NIBAN2: variants seen among roughly 807,000 people sequenced by gnomAD.
The protein encoded by NIBAN2 is protein Niban 2.
In NIBAN2, 36 loss-of-function variants were observed where a neutral mutation model predicts 81.8. That is an observed-to-expected ratio of 0.44 (90% confidence interval 0.34 to 0.58). The LOEUF is 0.58. Among genes scored for constraint, NIBAN2 ranks in the 20% least tolerant of loss-of-function variants. The pLI is 0.02. For synonymous variants in NIBAN2, 445 were observed against 441.6 expected (o/e 1.01, Z -0.10); for missense variants, 897 against 1,014.1 (o/e 0.88, Z 1.57).
rs1189534485 is a variant in NIBAN2, at chr9:127,506,911, G to A, written c.2175C>T (p.Ser725=). 5 of 1,612,402 alleles carry A rather than the reference G, an allele frequency of 3.1e-6. No homozygotes were observed. The highest frequency in any genetic ancestry group is 4.2e-6 in the Non-Finnish European group (5 of 1,179,548). The change falls in exon 14 of 14, where the codon AGC becomes AGT. Residue 725 remains serine (S), a synonymous_variant. Transcript: ENST00000373312. ...TGTGGAGGGCGGGGTGGCTGCTGGG[G>A]CTGGACACCTGCTCTCCAGTCTCCT... is the stretch of plus-strand genomic sequence containing the variant. ...SDQETGEQVS[S]PSSHPALHTT...
intron 1 of NIBAN2, among the ~76,000 whole-genome samples, chr9:127,546,793 G>A (rs1837479481): frequency 6.6e-6 from 1 of 152,068 alleles, no homozygotes; most frequent in African/African-American, 2.4e-5. Flanking sequence ...GTACTCAGGA[G>A]AGAGTACCCT....
Position 127,508,068 on chromosome 9 carries a change from G to A in NIBAN2, c.1542+25C>T, listed in dbSNP as rs2132149173. The A allele has an allele frequency of 6.2e-7, 1 of 1,611,838 alleles. No individual in the cohort carries two copies. Among genetic ancestry groups the A allele is most frequent in the Non-Finnish European group, 8.5e-7 (1 of 1,178,148 alleles). ...CATCCCCCAACTTAGGGCCCAAACGGCTGGAGCAGGTGGGGGCTGCTCACC... is the reference window on the plus strand; with the variant it reads ...CATCCCCCAACTTAGGGCCCAAACGACTGGAGCAGGTGGGGGCTGCTCACC... On this transcript the variant is annotated intron_variant, in intron 12 of 13. Transcript: ENST00000373312. This position sits in a 1 kb window ranked among gnomAD's most constrained non-coding sequence, Gnocchi z 6.4.
At chr9:127,553,773 G>A (rs972055392) in intron 1 of NIBAN2, among the ~76,000 whole-genome samples, 5 of 152,224 alleles carry the variant, frequency 3.3e-5, no homozygotes, top group Non-Finnish European at 7.3e-5. Context: ...CTGGAGAGCC[G>A]TAGCATGATC....
In NIBAN2 at chr9:127,540,448, C is replaced by T. The variant is rs1405862377; in HGVS notation, c.56-8670G>A. On this transcript the variant is annotated intron_variant, in intron 1 of 13. Transcript: ENST00000373312. ...CGAATGCCAAGCTAAGGAGTTCCTT[C>T]TTTGCCTTGTCATGACGCTCCCCAA... is the stretch of plus-strand genomic sequence containing the variant. Among the ~76,000 whole-genome samples the T allele has an allele frequency of 2.0e-5, 3 of 152,352 alleles. No individual in the cohort carries two copies. The East Asian group carries it at 5.8e-4, about 29-fold the overall frequency.
chr9:127,575,838 A>G (rs1016026927), intron 1 of NIBAN2, among the ~76,000 whole-genome samples: 2 of 152,060 alleles, frequency 1.3e-5, no homozygotes, highest in Admixed American at 6.6e-5. Context: ...TGTGTGAAAC[A>G]TGGATTTTTT....
At chr9:127,532,628 G>A (rs1351553468) in intron 1 of NIBAN2, among the ~76,000 whole-genome samples, 1 of 151,860 alleles carries the variant, frequency 6.6e-6, no homozygotes. Context: ...TAAAAAAATG[G>A]AGGGACCTAT....
chr9:127,528,945 T>C (rs938448732), intron 2 of NIBAN2, among the ~76,000 whole-genome samples: 1 of 152,202 alleles, frequency 6.6e-6, no homozygotes, highest in African/African-American at 2.4e-5. Context: ...AGAAGCAGGC[T>C]TGTGGCCCAG....
chr9:127,555,814 G>C (rs1232993776), intron 1 of NIBAN2, among the ~76,000 whole-genome samples: 1 of 152,360 alleles, frequency 6.6e-6, no homozygotes, highest in South Asian at 2.1e-4. Context: ...CTCCGGTAAT[G>C]ATTTTAATTA....
intron 3 of NIBAN2, among the ~76,000 whole-genome samples, chr9:127,526,923 G>A (rs964240971): frequency 7.0e-6 from 1 of 142,362 alleles, no homozygotes; most frequent in African/African-American, 2.6e-5. Context: ...GAGAGATTAG[G>A]AGGGATGGGG....
Position 127,507,060 on chromosome 9 carries a change from C to A in NIBAN2, c.2026G>T (p.Ala676Ser), listed in dbSNP as rs1318594516. The change falls in exon 14 of 14, where the codon GCC becomes TCC. Residue 676 changes from alanine to serine, a missense_variant. Physicochemically the swap from Ala to Ser is moderately conservative, Grantham distance 99 (BLOSUM62 1). This residue lies in a region of NIBAN2 where 619 missense variants were observed against 691.0 expected (regional missense o/e 0.90). Transcript: ENST00000373312. The surrounding 1 kb of genome is among the most constrained non-coding windows in gnomAD (Gnocchi z 6.8). ...PPPAGPLLNG[A>S]PAGESPQPKA... is the part of the protein sequence containing the mutation. Reference sequence around the variant, plus strand: ...GGCTGGGGACTCTCCCCAGCGGGGGCCCCGTTGAGCAGGGGGCCGGCTGGT... The same window carrying A: ...GGCTGGGGACTCTCCCCAGCGGGGGACCCGTTGAGCAGGGGGCCGGCTGGT... The A allele has an allele frequency of 1.3e-6, 2 of 1,576,580 alleles. No homozygotes were observed. Among genetic ancestry groups the A allele is most frequent in the Non-Finnish European group, 1.7e-6 (2 of 1,160,766 alleles).
intron 1 of NIBAN2, among the ~76,000 whole-genome samples, chr9:127,560,163 T>C (rs1412131689): frequency 6.6e-6 from 1 of 151,982 alleles, no homozygotes; most frequent in Non-Finnish European, 1.5e-5. Context: ...ACTAGAGGAG[T>C]GGGAGCAGAG....
At chr9:127,542,373 A>C (rs1185415263) in intron 1 of NIBAN2, among the ~76,000 whole-genome samples, 1 of 152,046 alleles carries the variant, frequency 6.6e-6, no homozygotes. Context: ...TCTGTTCCTC[A>C]TGTGGCTCCC....
chr9:127,562,257 C>A (rs1837787504), intron 1 of NIBAN2, among the ~76,000 whole-genome samples: 1 of 152,180 alleles, frequency 6.6e-6, no homozygotes, highest in African/African-American at 2.4e-5. Flanking sequence ...TGTCCCCCTG[C>A]CCAGTCTGGG....
intron 1 of NIBAN2, among the ~76,000 whole-genome samples, chr9:127,553,882 A>T (rs1588182434): frequency 6.6e-6 from 1 of 151,498 alleles, no homozygotes; most frequent in Non-Finnish European, 1.5e-5. Flanking sequence ...TGCCTGGCTA[A>T]TTTTTTTTTA....
intron 8 of NIBAN2, 33 bp from the exon 9 acceptor site, chr9:127,510,366 T>TA (rs759375297): frequency 1.3e-6 from 2 of 1,549,550 alleles, no homozygotes; most frequent in Non-Finnish European, 1.8e-6. Flanking sequence ...CAGCAGGGGC[T>TA]CCCCAAGGAG....
upstream of NIBAN2, among the ~76,000 whole-genome samples, chr9:127,571,837 A>T (rs961566086): frequency 5.9e-5 from 9 of 152,178 alleles, no homozygotes; most frequent in African/African-American, 1.9e-4. Flanking sequence ...CACCAAAAAA[A>T]AACTGCCTTG....
intron 8 of NIBAN2, among the ~76,000 whole-genome samples, chr9:127,512,328 C>T (rs1045890609): frequency 1.4e-5 from 2 of 148,104 alleles, no homozygotes; most frequent in African/African-American, 5.0e-5. Context: ...CTCTGTTGAC[C>T]AGGCTGGAGT....
In NIBAN2 at chr9:127,523,685, T is replaced by G; in HGVS notation, c.583A>C (p.Asn195His). Residue 195 changes from asparagine (N) to histidine (H), a missense_variant, in exon 5 of 14, where the codon AAC (asparagine) becomes CAC (histidine). By Grantham distance (68) the Asn-to-His change is moderately conservative. Coordinates refer to ENST00000373312, the MANE Select transcript of NIBAN2 (RefSeq NM_022833.4). ...GCACCCACAGGCCACTCACCATTGT[T>G]GCAGTGCCGGATGCAGTCCTGCAGC... is the stretch of plus-strand genomic sequence containing the variant. Reference protein sequence around the residue: ...AVLQDCIRHCNNGIPEDSKVE... With the variant: ...AVLQDCIRHCHNGIPEDSKVE... The G allele has an allele frequency of 1.2e-6, 2 of 1,610,106 alleles. No individual in the cohort carries two copies. The highest frequency in any genetic ancestry group is 1.7e-6 in the Non-Finnish European group (2 of 1,176,938).
At chr9:127,578,848 C>G in intron 1 of NIBAN2, 1 of 1,437,850 alleles carries the variant, frequency 7.0e-7, no homozygotes, top group Non-Finnish European at 9.7e-7. Context: ...CAGAGCAAAA[C>G]CTCCTCTCTA....
Sources: gnomAD v4.1 joint callset for allele counts (sites outside exome capture counted in the v4.1 genomes callset) on GRCh38, gnomAD v4.1.1 for gene constraint, gnomAD v4.1.1 regional missense constraint, Gnocchi (gnomAD v3.1) non-coding constraint, MANE v1.5 for transcripts, NCBI Gene and HGNC (gene_info 2026-07-23, HGNC 2026-07-21) for gene names.